Variants in CHCHD3 observed in about 807,000 individuals in gnomAD.
CHCHD3 encodes the protein coiled-coil-helix-coiled-coil-helix domain containing 3.
Under a neutral mutation model 38.2 loss-of-function variants are expected in CHCHD3, and 20 were observed. The observed-to-expected ratio is 0.52, with a 90% CI of 0.37 to 0.76. CHCHD3 has a LOEUF of 0.76. CHCHD3 is among the 30% of genes least tolerant of loss of function. CHCHD3 has a pLI of 0.00. For synonymous variants in CHCHD3, 82 were observed against 100.0 expected (o/e 0.82, Z 1.07); for missense variants, 245 against 279.2 (o/e 0.88, Z 0.87).
At chr7:132,902,418 C>G (rs1809692347) in intron 4 of CHCHD3, among the ~76,000 whole-genome samples, 1 of 152,134 alleles carries the variant, frequency 6.6e-6, no homozygotes, top group Admixed American at 6.5e-5. Context: ...GGAACCAACC[C>G]AAATGTCCAT....
At chr7:133,000,581 ATGT>A (rs1251902811) in intron 3 of CHCHD3, among the ~76,000 whole-genome samples, 6 of 152,138 alleles carry the variant, frequency 3.9e-5, no homozygotes, top group East Asian at 1.9e-4. Context: ...CACTTATGTG[ATGT>A]TGTCACTTTC....
At chr7:132,938,106 G>A (rs916287959) in intron 4 of CHCHD3, among the ~76,000 whole-genome samples, 2 of 152,148 alleles carry the variant, frequency 1.3e-5, no homozygotes, top group Non-Finnish European at 2.9e-5. Flanking sequence ...TTAGAGACCT[G>A]CCAAACACAG....
At chr7:133,059,262 C>T (rs1814429319) in intron 2 of CHCHD3, among the ~76,000 whole-genome samples, 1 of 152,152 alleles carries the variant, frequency 6.6e-6, no homozygotes, top group African/African-American at 2.4e-5. Context: ...AGGAAGAGAG[C>T]AGCGGGTTCT....
rs2117344074 is a variant in CHCHD3 at position 132,981,000 on chromosome 7, T to G, written c.252-5714A>C. Among the ~76,000 whole-genome samples, 4 of 152,274 alleles carry G rather than the reference T, an allele frequency of 2.6e-5. No homozygotes were observed. In the South Asian group the frequency reaches 8.3e-4, roughly 32 times the overall value. ...GCTCTAGTTTTTTTGTTTTTTGTTT[T>G]TTTGAAACATGGTCTTGCTCTCTTG... is the stretch of plus-strand genomic sequence containing the variant. On this transcript the variant is annotated intron_variant, in intron 3 of 7. Transcript: ENST00000262570.
chr7:132,797,576 T>A (rs1806652096), intron 6 of CHCHD3, among the ~76,000 whole-genome samples: 1 of 152,186 alleles, frequency 6.6e-6, no homozygotes, highest in African/African-American at 2.4e-5. Flanking sequence ...CTATTAGACA[T>A]CGGAACCCTA....
At chr7:132,841,229 G>A (rs967008216) in intron 5 of CHCHD3, among the ~76,000 whole-genome samples, 1 of 152,016 alleles carries the variant, frequency 6.6e-6, no homozygotes, top group Non-Finnish European at 1.5e-5. Context: ...CCATCTTTGG[G>A]AATCAGATGC....
intron 2 of CHCHD3, among the ~76,000 whole-genome samples, chr7:133,041,931 C>T (rs754246749): frequency 3.3e-5 from 5 of 152,206 alleles, no homozygotes; most frequent in Non-Finnish European, 7.3e-5. Flanking sequence ...CTTCGACTAT[C>T]AGCTAAAAAA....
rs1293364303 is a variant in CHCHD3 at position 132,975,211 on chromosome 7, C to T, written c.327G>A (p.Glu109=). The T allele has an allele frequency of 6.2e-7, 1 of 1,612,460 alleles. No homozygotes were observed. Among genetic ancestry groups the T allele is most frequent in the Non-Finnish European group, 8.5e-7 (1 of 1,180,028 alleles). The change falls in exon 4 of 8, where the codon GAG becomes GAA. Residue 109 remains glutamate (E), a synonymous_variant. Transcript: ENST00000262570. ...NEQLTRAILR[E]RICSEEERAK... is the part of the protein sequence containing the mutation. ...CGCGTTCCTCCTCGCTACATATCCT[C>T]TCCCGAAGGATGGCTCTGGTTAACT...
intron 4 of CHCHD3, among the ~76,000 whole-genome samples, chr7:132,894,832 T>C (rs1236570772): frequency 6.6e-6 from 1 of 152,264 alleles, no homozygotes; most frequent in African/African-American, 2.4e-5. Flanking sequence ...TACATTATTA[T>C]GTATGTACAT....
At chr7:132,827,555 C>T (rs1019380013) in intron 6 of CHCHD3, among the ~76,000 whole-genome samples, 1 of 152,196 alleles carries the variant, frequency 6.6e-6, no homozygotes, top group African/African-American at 2.4e-5. Context: ...CAGATTAGGG[C>T]TGCTCAGCCT....
chr7:132,813,401 C>G (rs1255955028), intron 6 of CHCHD3: 3 of 152,126 alleles, frequency 2.0e-5, no homozygotes, highest in African/African-American at 7.2e-5. Flanking sequence ...ATATGCATAT[C>G]CAAAACGGGG....
chr7:133,059,772 C>T (rs1369407515), intron 2 of CHCHD3, among the ~76,000 whole-genome samples: 1 of 152,178 alleles, frequency 6.6e-6, no homozygotes, highest in Non-Finnish European at 1.5e-5. Context: ...GTGGAACCAA[C>T]CTAAGAGAAA....
intron 4 of CHCHD3, among the ~76,000 whole-genome samples, chr7:132,953,853 T>A (rs1246054070): frequency 6.6e-6 from 1 of 152,100 alleles, no homozygotes; most frequent in Non-Finnish European, 1.5e-5. Flanking sequence ...AGCATCCCAG[T>A]TTATGTGTGT....
chr7:132,890,336 A>G (rs982502279), intron 4 of CHCHD3, among the ~76,000 whole-genome samples: 1 of 152,174 alleles, frequency 6.6e-6, no homozygotes, highest in African/African-American at 2.4e-5. Flanking sequence ...TACAAGAGAA[A>G]ACTGGGATTA....
intron 4 of CHCHD3, among the ~76,000 whole-genome samples, chr7:132,942,805 G>T (rs574445427): frequency 6.6e-6 from 1 of 152,284 alleles, no homozygotes; most frequent in Non-Finnish European, 1.5e-5. Context: ...AAATGAAGAA[G>T]AGTTGGCTAC....
intron 5 of CHCHD3, among the ~76,000 whole-genome samples, chr7:132,876,449 T>A (rs1375163665): frequency 6.6e-6 from 1 of 152,250 alleles, no homozygotes; most frequent in South Asian, 2.1e-4. Flanking sequence ...AATGCTTTAT[T>A]TCTTACCTTG....
intron 4 of CHCHD3, among the ~76,000 whole-genome samples, chr7:132,900,495 A>G (rs1166488128): frequency 1.3e-5 from 2 of 152,282 alleles, no homozygotes; most frequent in East Asian, 3.9e-4. Flanking sequence ...TAGTGGTTGA[A>G]CTTATACAAG....
At chr7:132,985,678 TGGG>T (rs779064624) in intron 3 of CHCHD3, among the ~76,000 whole-genome samples, 2 of 35,136 alleles carry the variant, frequency 5.7e-5, no homozygotes, top group Admixed American at 2.9e-4. Flanking sequence ...GGGAGGGAGG[TGGG>T]GGGGGGGTCA....
intron 6 of CHCHD3, among the ~76,000 whole-genome samples, chr7:132,797,886 T>G (rs1224545845): frequency 2.0e-5 from 3 of 152,222 alleles, no homozygotes; most frequent in Non-Finnish European, 4.4e-5. Context: ...ACAATATTAC[T>G]ACTTTTAATC....
Sources: allele counts gnomAD v4.1 joint callset (sites outside exome capture counted in the v4.1 genomes callset), GRCh38; gene constraint gnomAD v4.1.1; transcripts MANE v1.5; gene names NCBI Gene and HGNC (gene_info 2026-07-23, HGNC 2026-07-21).